The following LAMB4 variants were observed in gnomAD, a reference collection of about 807,000 sequenced individuals.
LAMB4 encodes the protein laminin subunit beta 4.
LAMB4 carries 196 observed loss-of-function variants against 199.2 expected under a neutral mutation model. The ratio of observed to expected loss-of-function variants is 0.98; its 90% CI spans 0.88 to 1.11. The LOEUF is 1.11. Ranked by LOEUF, LAMB4 falls within the 50% of genes least tolerant of loss-of-function variation. The probability of loss-of-function intolerance (pLI) is 0.00; values close to 1 mark genes in which losing one functional copy is unlikely to be tolerated. For missense variants in LAMB4, 2,080 were observed against 2,171.2 expected, an observed-to-expected ratio of 0.96 and a Z score of 0.83; for synonymous variants, 744 against 770.6, an observed-to-expected ratio of 0.97 and a Z score of 0.57.
chr7:108,107,869 T>G (rs1268701025), intron 5 of LAMB4, 50 bp from the exon 6 acceptor site: 5 of 1,227,710 alleles, frequency 4.1e-6, no homozygotes, highest in Non-Finnish European at 5.8e-6. Context: ...CAGATTTTAT[T>G]ATCAACTTCA....
intron 29 of LAMB4, among the ~76,000 whole-genome samples, chr7:108,038,156 A>G (rs1257571114): frequency 6.6e-6 from 1 of 152,058 alleles, no homozygotes; most frequent in Non-Finnish European, 1.5e-5. Context: ...AGCATGTTAT[A>G]AAGAAACTTT....
intron 24 of LAMB4, among the ~76,000 whole-genome samples, chr7:108,057,372 C>T (rs899235386): frequency 3.9e-5 from 6 of 152,108 alleles, no homozygotes; most frequent in African/African-American, 1.2e-4. Context: ...ATAAGTGGGG[C>T]CCAGAGAAAA....
At chr7:108,087,999 G>A (rs867768305) in intron 14 of LAMB4, among the ~76,000 whole-genome samples, 3 of 152,158 alleles carry the variant, frequency 2.0e-5, no homozygotes, top group African/African-American at 7.2e-5. Context: ...ATTCATTTAC[G>A]GCATGTGACT....
At chr7:108,108,597 A>G (rs966616963) in intron 5 of LAMB4, among the ~76,000 whole-genome samples, 16 of 151,926 alleles carry the variant, frequency 1.1e-4, no homozygotes, top group African/African-American at 3.9e-4. Context: ...ATTTTCTATT[A>G]TATTTATATG....
At position 108,078,303 on chromosome 7, in the gene LAMB4, C is replaced by T. The variant is rs1206105470; in HGVS notation, c.1901G>A (p.Trp634Ter). Residue 634 changes from tryptophan (W) to a stop codon, truncating the protein, a stop_gained, in exon 16 of 34, where the codon TGG (tryptophan) becomes TAG (stop). Transcript: ENST00000388781. LOFTEE classifies it high-confidence loss of function. ...GGGGTTCACCACAATCTGGACAGTC[C>T]AGTCAGCTGCAGACTAGACAGGCAT... ...IHYETQSAAD[W>*]TVQIVVNPPG... is the part of the protein sequence containing the mutation. The T allele has an allele frequency of 1.3e-6, 2 of 1,599,726 alleles. No individual in the cohort carries two copies. The highest frequency in any genetic ancestry group is 1.1e-5 in the South Asian group (1 of 89,010).
downstream of LAMB4, among the ~76,000 whole-genome samples, chr7:108,021,476 G>A (rs561319608): frequency 9.2e-5 from 14 of 152,292 alleles, no homozygotes; most frequent in African/African-American, 1.4e-4. Context: ...TTGGGAGGCC[G>A]AGGCGGGTGG....
chr7:108,091,558 A>T, intron 14 of LAMB4, 68 bp downstream of exon 14: 1 of 1,516,864 alleles, frequency 6.6e-7, no homozygotes, highest in Non-Finnish European at 8.9e-7. Context: ...GATCTCAAGT[A>T]TGTGCTCTGT....
chr7:108,072,527 G>A (rs1438106205), intron 17 of LAMB4, among the ~76,000 whole-genome samples: 1 of 152,106 alleles, frequency 6.6e-6, no homozygotes, highest in Admixed American at 6.5e-5. Context: ...ATTTTTAAAA[G>A]TTAAAAAAGG....
chr7:108,034,269 G>A lies in LAMB4; in HGVS notation c.4757C>T (p.Ala1586Val), dbSNP rs756884085. The change falls in exon 31 of 34, where the codon GCA becomes GTA. Residue 1586 changes from alanine (A) to valine (V), a missense_variant. Coordinates refer to ENST00000388781, the MANE Select transcript of LAMB4 (RefSeq NM_007356.3). ...AGTCAGCTGTGTAATGGTAGAGTTT[G>A]CCCGTCCTTGAGTGATTTGAGCTTG... Reference protein sequence around the residue: ...LQQAQITQGRANSTITQLTAN... With the variant: ...LQQAQITQGRVNSTITQLTAN... The A allele has an allele frequency of 7.4e-6, 12 of 1,613,730 alleles. No individual in the cohort carries two copies. The highest frequency in any genetic ancestry group is 1.0e-5 in the Non-Finnish European group (12 of 1,179,712).
At chr7:108,101,929 T>C (rs1046027331) in intron 10 of LAMB4, among the ~76,000 whole-genome samples, 4 of 152,102 alleles carry the variant, frequency 2.6e-5, no homozygotes, top group South Asian at 2.1e-4. Flanking sequence ...AAAACAAAGA[T>C]AGCAAAAATT....
At chr7:108,119,309 T>C (rs1007710854) in intron 2 of LAMB4, among the ~76,000 whole-genome samples, 2 of 152,182 alleles carry the variant, frequency 1.3e-5, no homozygotes, top group African/African-American at 4.8e-5. Context: ...TTACAACTTA[T>C]GTTCACACAA....
At chr7:108,108,321 C>T (rs1034847102) in intron 5 of LAMB4, among the ~76,000 whole-genome samples, 1 of 152,206 alleles carries the variant, frequency 6.6e-6, no homozygotes, top group Non-Finnish European at 1.5e-5. Flanking sequence ...AATCTAATTA[C>T]ATTGTAAAAA....
downstream of LAMB4, among the ~76,000 whole-genome samples, chr7:108,019,142 AG>A (rs999989671): frequency 1.3e-5 from 2 of 152,152 alleles, no homozygotes; most frequent in Non-Finnish European, 2.9e-5. Flanking sequence ...ATAGTTCTGT[AG>A]GTTAAAAGTC....
chr7:108,100,906 G>C (rs1050960270), intron 10 of LAMB4, among the ~76,000 whole-genome samples: 1 of 152,148 alleles, frequency 6.6e-6, no homozygotes, highest in Admixed American at 6.5e-5. Flanking sequence ...AACAGGTCAC[G>C]TAAGGTAAAT....
intron 5 of LAMB4, among the ~76,000 whole-genome samples, chr7:108,108,031 C>T (rs1249917614): frequency 6.6e-6 from 1 of 152,178 alleles, no homozygotes; most frequent in Non-Finnish European, 1.5e-5. Context: ...GCCTCAACTT[C>T]CCAGGCCCAG....
chr7:108,026,842 T>C, intron 33 of LAMB4: 1 of 513,614 alleles, frequency 1.9e-6, no homozygotes, highest in Non-Finnish European at 3.9e-6. Flanking sequence ...TTCCGCCCCT[T>C]CTCAAGTGGC....
At chr7:108,118,060 C>T (rs1455692872) in intron 2 of LAMB4, among the ~76,000 whole-genome samples, 1 of 152,120 alleles carries the variant, frequency 6.6e-6, no homozygotes, top group Non-Finnish European at 1.5e-5. Context: ...CTCATTTTAC[C>T]CAGCTCCTAT....
chr7:108,129,824 C>T (rs1461612971), intron 1 of LAMB4, among the ~76,000 whole-genome samples: 1 of 152,200 alleles, frequency 6.6e-6, no homozygotes. Flanking sequence ...CCACCATGCC[C>T]GGCCAAGTTT....
intron 27 of LAMB4, among the ~76,000 whole-genome samples, chr7:108,048,392 C>T (rs2035715265): frequency 6.6e-6 from 1 of 152,088 alleles, no homozygotes; most frequent in African/African-American, 2.4e-5. Flanking sequence ...TCTCAAACTC[C>T]TGACCTCAGG....
Sources: gnomAD v4.1 joint callset for allele counts (sites outside exome capture counted in the v4.1 genomes callset) on GRCh38, gnomAD v4.1.1 for gene constraint, MANE v1.5 for transcripts, NCBI Gene and HGNC (gene_info 2026-07-23, HGNC 2026-07-21) for gene names.